ENTREP2: variants seen among roughly 807,000 people sequenced by gnomAD.
ENTREP2 encodes endosomal transmembrane epsin interactor 2, also known as protein ENTREP2.
the ENTREP2 span, among the ~76,000 whole-genome samples, chr15:29,349,933 T>C: frequency 1.7e-4 from 26 of 151,510 alleles, no homozygotes; most frequent in African/African-American, 6.3e-4. Context: ...TAATAATTAA[T>C]TGATTAATTA....
the ENTREP2 span, among the ~76,000 whole-genome samples, chr15:29,345,633 C>A: frequency 2.6e-5 from 4 of 152,030 alleles, no homozygotes; most frequent in Middle Eastern, 6.3e-3. Flanking sequence ...CAGGCACCCC[C>A]CAGGCTCACA....
chr15:29,626,227 TTC>T, the ENTREP2 span, among the ~76,000 whole-genome samples: 1 of 152,250 alleles, frequency 6.6e-6, no homozygotes, highest in Non-Finnish European at 1.5e-5. Flanking sequence ...TTTCCTAGAT[TTC>T]TGATAGGGTT....
chr15:29,465,847 C>T, the ENTREP2 span, among the ~76,000 whole-genome samples: 5 of 152,312 alleles, frequency 3.3e-5, no homozygotes, highest in African/African-American at 9.6e-5. Flanking sequence ...CTTCTTCTTT[C>T]GAGACATCAG....
chr15:29,330,067 T>C, the ENTREP2 span, among the ~76,000 whole-genome samples: 5 of 152,164 alleles, frequency 3.3e-5, no homozygotes, highest in Admixed American at 3.3e-4. Context: ...ACTCCCTCAG[T>C]GATCACCTGG....
At chr15:29,485,940 A>G in the ENTREP2 span, among the ~76,000 whole-genome samples, 1 of 152,210 alleles carries the variant, frequency 6.6e-6, no homozygotes, top group African/African-American at 2.4e-5. Flanking sequence ...CTGCTAAGGA[A>G]AATCGTATGG....
the ENTREP2 span, chr15:29,196,425 G>T: frequency 6.5e-7 from 1 of 1,550,302 alleles, no homozygotes; most frequent in Admixed American, 2.0e-5. Context: ...GCCCAGCGGG[G>T]TCACCTTCAA....
the ENTREP2 span, among the ~76,000 whole-genome samples, chr15:29,255,903 A>G: frequency 6.6e-6 from 1 of 151,392 alleles, no homozygotes; most frequent in East Asian, 2.0e-4. Context: ...CGGGATGCTG[A>G]GGCAGGAGAA....
the ENTREP2 span, among the ~76,000 whole-genome samples, chr15:29,476,259 TTATTA>T: frequency 6.6e-6 from 1 of 152,200 alleles, no homozygotes; most frequent in Admixed American, 6.5e-5. Context: ...TTTGTGTATT[TTATTA>T]TATGTTTATT....
chr15:29,621,315 A>T, the ENTREP2 span, among the ~76,000 whole-genome samples: 8 of 151,960 alleles, frequency 5.3e-5, no homozygotes, highest in Non-Finnish European at 1.0e-4. Flanking sequence ...CGAGGTCAGG[A>T]GATCGAGACC....
the ENTREP2 span, among the ~76,000 whole-genome samples, chr15:29,440,296 T>G: frequency 6.6e-6 from 1 of 152,196 alleles, no homozygotes. Flanking sequence ...TGTTAAATGA[T>G]TAATACAGGA....
At chr15:29,542,597 C>T in the ENTREP2 span, among the ~76,000 whole-genome samples, 2 of 152,252 alleles carry the variant, frequency 1.3e-5, no homozygotes, top group African/African-American at 2.4e-5. Context: ...AGCCACGGCG[C>T]CCGGCCCTCC....
chr15:29,598,988 G>A, the ENTREP2 span, among the ~76,000 whole-genome samples: 2 of 152,196 alleles, frequency 1.3e-5, no homozygotes, highest in African/African-American at 4.8e-5. Context: ...GAGCCACGGC[G>A]CCTGGCCAAA....
the ENTREP2 span, among the ~76,000 whole-genome samples, chr15:29,302,593 A>C: frequency 2.6e-5 from 4 of 152,136 alleles, no homozygotes; most frequent in Admixed American, 2.0e-4. Flanking sequence ...TAGCTTCAAA[A>C]TGGGCATATT....
At chr15:29,592,119 G>A in the ENTREP2 span, among the ~76,000 whole-genome samples, 1 of 152,106 alleles carries the variant, frequency 6.6e-6, no homozygotes, top group East Asian at 1.9e-4. Context: ...GGGGTACTTT[G>A]TTACGGCTGC....
chr15:29,255,813 A>G, the ENTREP2 span, among the ~76,000 whole-genome samples: 3 of 152,058 alleles, frequency 2.0e-5, no homozygotes, highest in African/African-American at 4.8e-5. Flanking sequence ...CATCCTGGCT[A>G]ACACGGTGAA....
the ENTREP2 span, among the ~76,000 whole-genome samples, chr15:29,226,449 G>C: frequency 6.6e-6 from 1 of 152,198 alleles, no homozygotes; most frequent in African/African-American, 2.4e-5. Flanking sequence ...CGCACAAATA[G>C]CTGTCAAATG....
chr15:29,652,775 C>T, the ENTREP2 span, among the ~76,000 whole-genome samples: 14 of 152,354 alleles, frequency 9.2e-5, no homozygotes, highest in South Asian at 4.1e-4. Context: ...CTGTGTGCAG[C>T]GGCCGGACTC....
the ENTREP2 span, among the ~76,000 whole-genome samples, chr15:29,345,438 C>G: frequency 1.3e-5 from 2 of 151,972 alleles, no homozygotes; most frequent in African/African-American, 4.8e-5. Flanking sequence ...GCAAGCACAC[C>G]CCACCTCCGC....
the ENTREP2 span, among the ~76,000 whole-genome samples, chr15:29,386,800 G>A: frequency 5.9e-5 from 9 of 152,202 alleles, no homozygotes; most frequent in African/African-American, 2.2e-4. Flanking sequence ...CAGAGTGCAA[G>A]TCAGTTATTG....
Sources: gnomAD v4.1 joint callset for allele counts (sites outside exome capture counted in the v4.1 genomes callset) on GRCh38, gnomAD v4.1.1 for gene constraint, MANE v1.5 for transcripts, NCBI Gene and HGNC (gene_info 2026-07-23, HGNC 2026-07-21) for gene names.